The following PTPRM variants were observed in gnomAD, a reference collection of about 807,000 sequenced individuals.
PTPRM encodes receptor-type tyrosine-protein phosphatase mu.
In PTPRM, 47 loss-of-function variants were observed where a neutral mutation model predicts 186.7. That is an observed-to-expected ratio of 0.25 (90% CI 0.20 to 0.32). The LOEUF is 0.32. Among genes scored for constraint, PTPRM ranks in the 10% least tolerant of loss-of-function variants. The pLI is 1.00. For missense variants in PTPRM, 1,494 were observed against 1,865.0 expected (o/e 0.80, Z 3.66); for synonymous variants, 668 against 674.9 (o/e 0.99, Z 0.16).
At chr18:7,758,984 A>C (rs956778988) in intron 1 of PTPRM, among the ~76,000 whole-genome samples, 5 of 152,176 alleles carry the variant, frequency 3.3e-5, no homozygotes, top group Non-Finnish European at 5.9e-5. Context: ...GTCTGTGATC[A>C]GGGATGTGTT....
chr18:8,379,351 C>A lies in PTPRM; in HGVS notation c.3786+11C>A. 6.3e-7 allele frequency: 1 copy of A among 1,598,692 alleles called. No homozygotes were observed. On this transcript the variant is annotated intron_variant, in intron 28 of 32. Coordinates refer to ENST00000580170, the MANE Select transcript of PTPRM (RefSeq NM_001105244.2). ...GCTGCCCTCATGGACGTGAGTGCCC[C>A]GCTTCCCGCACGGGTCCGAGGCTGG...
At chr18:7,663,937 G>A (rs541152599) in intron 1 of PTPRM, among the ~76,000 whole-genome samples, 2 of 152,238 alleles carry the variant, frequency 1.3e-5, no homozygotes, top group African/African-American at 4.8e-5. Context: ...AGCTCTGAGT[G>A]GGGATGTCAA....
intron 7 of PTPRM, among the ~76,000 whole-genome samples, chr18:8,046,153 A>G (rs1356857528): frequency 3.0e-4 from 45 of 152,140 alleles, no homozygotes; most frequent in Admixed American, 2.9e-3. Context: ...CACCCTGTGA[A>G]GAGGTACCTT....
chr18:8,095,891 A>G (rs1568333500), intron 11 of PTPRM, among the ~76,000 whole-genome samples: 1 of 152,208 alleles, frequency 6.6e-6, no homozygotes, highest in Non-Finnish European at 1.5e-5. Flanking sequence ...TGACTTTCCA[A>G]TAATTCATTG....
At chr18:7,730,741 G>A (rs2144395960) in intron 1 of PTPRM, among the ~76,000 whole-genome samples, 1 of 152,286 alleles carries the variant, frequency 6.6e-6, no homozygotes, top group East Asian at 1.9e-4. Flanking sequence ...ACTGAGGAGA[G>A]GGGTGATTAA....
intron 5 of PTPRM, among the ~76,000 whole-genome samples, chr18:7,940,594 A>G (rs2052104726): frequency 6.6e-6 from 1 of 151,984 alleles, no homozygotes; most frequent in South Asian, 2.1e-4. Flanking sequence ...AGGAGTCCAC[A>G]TGGTGGGGCT....
intron 7 of PTPRM, among the ~76,000 whole-genome samples, chr18:8,017,621 G>A (rs1227736158): frequency 6.8e-6 from 1 of 147,480 alleles, no homozygotes; most frequent in African/African-American, 2.5e-5. Flanking sequence ...AGCGTCCTCA[G>A]TGCTTTATAT....
chr18:7,624,766 C>T (rs943154917), intron 1 of PTPRM, among the ~76,000 whole-genome samples: 1 of 152,086 alleles, frequency 6.6e-6, no homozygotes, highest in East Asian at 1.9e-4. Flanking sequence ...CGTGAGCTAC[C>T]GCACTCGCCA....
intron 1 of PTPRM, among the ~76,000 whole-genome samples, chr18:7,748,694 A>C (rs1267693928): frequency 2.6e-5 from 4 of 152,208 alleles, no homozygotes; most frequent in Non-Finnish European, 5.9e-5. Flanking sequence ...AGGAGGCAAA[A>C]GCCAAGTATA....
chr18:7,819,124 A>G (rs2045022275), intron 2 of PTPRM, among the ~76,000 whole-genome samples: 3 of 152,298 alleles, frequency 2.0e-5, no homozygotes, highest in Admixed American at 2.0e-4. Flanking sequence ...TGTTATTGAT[A>G]TGGAAGAGGG....
chr18:8,150,655 G>A (rs376613487), intron 14 of PTPRM, among the ~76,000 whole-genome samples: 2 of 151,998 alleles, frequency 1.3e-5, no homozygotes, highest in African/African-American at 4.8e-5. Flanking sequence ...CTGTCACTTC[G>A]TCAACTCATT....
At chr18:7,675,785 AGTGC>A (rs2039321425) in intron 1 of PTPRM, among the ~76,000 whole-genome samples, 1 of 150,580 alleles carries the variant, frequency 6.6e-6, no homozygotes, top group African/African-American at 2.5e-5. Flanking sequence ...CCCAGGCTAG[AGTGC>A]AATGGCATGG....
intron 4 of PTPRM, among the ~76,000 whole-genome samples, chr18:7,921,647 TG>T (rs2050872983): frequency 6.6e-6 from 1 of 152,196 alleles, no homozygotes; most frequent in African/African-American, 2.4e-5. Flanking sequence ...CTCAAAGTGC[TG>T]GGATTACAGG....
intron 14 of PTPRM, among the ~76,000 whole-genome samples, chr18:8,185,383 C>T (rs147821899): frequency 2.6e-5 from 4 of 152,288 alleles, no homozygotes; most frequent in East Asian, 3.9e-4. Context: ...ATATTCTACA[C>T]GCGTAAACTG....
At chr18:8,031,240 T>G (rs1207188799) in intron 7 of PTPRM, among the ~76,000 whole-genome samples, 2 of 152,182 alleles carry the variant, frequency 1.3e-5, no homozygotes, top group Admixed American at 1.3e-4. Flanking sequence ...TACTGGAAAT[T>G]AAGGCTGTAA....
At chr18:7,647,820 C>G (rs2038600879) in intron 1 of PTPRM, among the ~76,000 whole-genome samples, 1 of 152,170 alleles carries the variant, frequency 6.6e-6, no homozygotes, top group African/African-American at 2.4e-5. Flanking sequence ...TTGCTGGGCC[C>G]CAGCTCCAAA....
chr18:8,282,017 GA>G (rs2094909148), intron 19 of PTPRM, among the ~76,000 whole-genome samples: 1 of 151,814 alleles, frequency 6.6e-6, no homozygotes, highest in Admixed American at 6.6e-5. Flanking sequence ...AAGACTGGGG[GA>G]AAATATTTAC....
chr18:8,235,979 T>G (rs1173588232), intron 14 of PTPRM, among the ~76,000 whole-genome samples: 1 of 152,196 alleles, frequency 6.6e-6, no homozygotes, highest in Non-Finnish European at 1.5e-5. Context: ...TAAGCTGTGT[T>G]TAATGGCTCA....
intron 8 of PTPRM, 64 bp from the exon 9 acceptor site, chr18:8,076,391 C>G: frequency 1.1e-6 from 1 of 948,898 alleles, no homozygotes; most frequent in Non-Finnish European, 1.7e-6. Flanking sequence ...AAAACCAAGT[C>G]TAGAAAAATC....
Sources: gnomAD v4.1 joint callset for allele counts (sites outside exome capture counted in the v4.1 genomes callset) on GRCh38, gnomAD v4.1.1 for gene constraint, MANE v1.5 for transcripts, NCBI Gene and HGNC (gene_info 2026-07-23, HGNC 2026-07-21) for gene names.